Variants in SH3PXD2A observed in about 807,000 individuals in gnomAD.
The protein encoded by SH3PXD2A is SH3 and PX domain-containing protein 2A.
SH3PXD2A carries 32 observed loss-of-function variants against 115.2 expected under a neutral mutation model. The ratio of observed to expected loss-of-function variants is 0.28; its 90% CI spans 0.21 to 0.37. The LOEUF (loss-of-function observed/expected upper bound fraction) is 0.37, where lower values mean the gene tolerates loss of function less well. Ranked by LOEUF, SH3PXD2A falls within the 10% of genes least tolerant of loss-of-function variation. The pLI, the probability that SH3PXD2A is intolerant of heterozygous loss-of-function variation, is 1.00. For synonymous variants in SH3PXD2A, 610 were observed against 629.1 expected, an observed-to-expected ratio of 0.97 and a Z score of 0.45; for missense variants, 1,328 against 1,498.7, an observed-to-expected ratio of 0.89 and a Z score of 1.88.
chr10:103,645,517 A>G (rs144988851), intron 8 of SH3PXD2A, among the ~76,000 whole-genome samples: 1 of 152,266 alleles, frequency 6.6e-6, no homozygotes, highest in East Asian at 1.9e-4. Flanking sequence ...TCCAGTCCTG[A>G]CAGCTCATGT....
At chr10:103,810,952 GCACACA>G (rs71476608) in intron 1 of SH3PXD2A, among the ~76,000 whole-genome samples, 1 of 19,872 alleles carries the variant, frequency 5.0e-5, no homozygotes, top group African/African-American at 1.0e-4. Context: ...GCGCGCGCGC[GCACACA>G]CACACACACA....
chr10:103,642,240 CA>C (rs1457561582), intron 8 of SH3PXD2A, among the ~76,000 whole-genome samples: 1 of 151,642 alleles, frequency 6.6e-6, no homozygotes, highest in Non-Finnish European at 1.5e-5. Context: ...TGGCTCCAAC[CA>C]GAAAAGCACA....
At chr10:103,751,215 G>A (rs1296729434) in intron 3 of SH3PXD2A, among the ~76,000 whole-genome samples, 1 of 152,192 alleles carries the variant, frequency 6.6e-6, no homozygotes, top group Non-Finnish European at 1.5e-5. Flanking sequence ...CTTATTGAAT[G>A]ACTTTTGTAG....
At chr10:103,660,695 C>T (rs575402257) in intron 8 of SH3PXD2A, among the ~76,000 whole-genome samples, 2 of 152,324 alleles carry the variant, frequency 1.3e-5, no homozygotes, top group African/African-American at 4.8e-5. Context: ...TCCGAGGGCA[C>T]GGGGACCCCA....
chr10:103,633,911 G>A (rs2036826443), intron 8 of SH3PXD2A, among the ~76,000 whole-genome samples: 1 of 152,094 alleles, frequency 6.6e-6, no homozygotes. Context: ...TGTTGAGATG[G>A]GAAGAACTCA....
intron 3 of SH3PXD2A, among the ~76,000 whole-genome samples, chr10:103,750,684 C>T (rs933970971): frequency 2.0e-5 from 3 of 152,324 alleles, no homozygotes; most frequent in South Asian, 4.1e-4. Flanking sequence ...ATCCTACACA[C>T]AAGCTGAGGC....
chr10:103,605,837 A>G lies in SH3PXD2A; in HGVS notation c.1389T>C (p.Ile463=). 6.2e-7 allele frequency: 1 copy of G among 1,613,686 alleles called. No individual in the cohort carries two copies. Among genetic ancestry groups the G allele is most frequent in the Non-Finnish European group, 8.5e-7 (1 of 1,179,576 alleles). The change falls in exon 14 of 15, where the codon ATT becomes ATC. Residue 463 remains isoleucine (I), a synonymous_variant. Coordinates refer to ENST00000369774, the MANE Select transcript of SH3PXD2A (RefSeq NM_001394015.1). ...CACCCCGAAAGCTGATGCCATCGGA[A>G]ATGCACGACTGGAATTCGGCAATGG... The part of the protein sequence containing the change: ...YYTIAEFQSC[I]SDGISFRGGQ...
At chr10:103,649,008 C>T (rs2037079811) in intron 8 of SH3PXD2A, among the ~76,000 whole-genome samples, 1 of 152,196 alleles carries the variant, frequency 6.6e-6, no homozygotes, top group South Asian at 2.1e-4. Flanking sequence ...TCATTACAAA[C>T]CCAAAGACGT....
At chr10:103,708,200 G>C (rs566783906) in intron 5 of SH3PXD2A, among the ~76,000 whole-genome samples, 2 of 152,254 alleles carry the variant, frequency 1.3e-5, no homozygotes, top group South Asian at 4.2e-4. Context: ...TGTTGGCGCC[G>C]ACCTCAGGCC....
intron 1 of SH3PXD2A, among the ~76,000 whole-genome samples, chr10:103,812,758 C>A (rs2039283222): frequency 6.6e-6 from 1 of 152,244 alleles, no homozygotes; most frequent in South Asian, 2.1e-4. Context: ...TCACACCTTC[C>A]TCTCTGCTGT....
At chr10:103,625,653 G>A (rs2036680108) in intron 9 of SH3PXD2A, among the ~76,000 whole-genome samples, 1 of 152,220 alleles carries the variant, frequency 6.6e-6, no homozygotes, top group Non-Finnish European at 1.5e-5. Context: ...AGCACTTTGG[G>A]AGGCTGAGGT....
chr10:103,664,348 G>T (rs2037355220), intron 7 of SH3PXD2A, among the ~76,000 whole-genome samples: 1 of 152,230 alleles, frequency 6.6e-6, no homozygotes, highest in Admixed American at 6.5e-5. Context: ...GCCTTCATCA[G>T]TGCTGACTTG....
At position 103,594,761 on chromosome 10, in the gene SH3PXD2A, G is replaced by GGTA. The variant is rs543140352; in HGVS notation, c.*7052_*7054dup. ...CCTTGGTTATAAGGCAACGCAAAAT[G>GGTA]GTAGGGTATATCCATGGATGAATGT... On this transcript the variant is annotated 3_prime_UTR_variant, in exon 15 of 15. Coordinates refer to ENST00000369774, the MANE Select transcript of SH3PXD2A (RefSeq NM_001394015.1). The GGTA allele has an allele frequency of 6.8e-4, 103 of 152,304 alleles. 1 individual carries two copies. The East Asian group carries it at 0.019, about 28-fold the overall frequency. 9.4% of individuals were successfully genotyped at this position (152,304 alleles called of 1,614,324 possible).
intron 8 of SH3PXD2A, among the ~76,000 whole-genome samples, chr10:103,634,272 G>A (rs2036832196): frequency 1.3e-5 from 2 of 152,228 alleles, no homozygotes; most frequent in Non-Finnish European, 2.9e-5. Context: ...GGAGGCCTTT[G>A]GAGCCAAGGA....
At chr10:103,810,012 G>T (rs545761947) in intron 1 of SH3PXD2A, among the ~76,000 whole-genome samples, 3 of 152,296 alleles carry the variant, frequency 2.0e-5, no homozygotes, top group African/African-American at 7.2e-5. Flanking sequence ...AAATGGGAGG[G>T]TAATGAGTAG....
chr10:103,757,063 C>G (rs2038649727), intron 3 of SH3PXD2A, among the ~76,000 whole-genome samples: 1 of 152,174 alleles, frequency 6.6e-6, no homozygotes, highest in Admixed American at 6.5e-5. Context: ...CTGGAAGCAC[C>G]AACCCTGGGG....
chr10:103,694,000 GCCTT>G (rs2134132944), intron 5 of SH3PXD2A, among the ~76,000 whole-genome samples: 1 of 152,236 alleles, frequency 6.6e-6, no homozygotes, highest in Non-Finnish European at 1.5e-5. Flanking sequence ...CCTTGCTCCT[GCCTT>G]CCTTATCTCC....
chr10:103,625,060 G>A (rs940803664), intron 9 of SH3PXD2A, among the ~76,000 whole-genome samples: 4 of 152,074 alleles, frequency 2.6e-5, no homozygotes, highest in African/African-American at 4.8e-5. Context: ...CACCCACACC[G>A]CCTCTGAACG....
intron 1 of SH3PXD2A, among the ~76,000 whole-genome samples, chr10:103,802,811 C>CG (rs1043473953): frequency 2.4e-4 from 37 of 152,144 alleles, no homozygotes; most frequent in African/African-American, 8.4e-4. Context: ...CACCTGGGGC[C>CG]GGGGGCAGGC....
Sources: allele counts gnomAD v4.1 joint callset (sites outside exome capture counted in the v4.1 genomes callset), GRCh38; gene constraint gnomAD v4.1.1; transcripts MANE v1.5; gene names NCBI Gene and HGNC (gene_info 2026-07-23, HGNC 2026-07-21).